MAML3: variants seen among roughly 807,000 people sequenced by gnomAD.
The protein encoded by MAML3 is mastermind like transcriptional coactivator 3.
Under a neutral mutation model 101.9 loss-of-function variants are expected in MAML3, and 27 were observed. That is an observed-to-expected ratio of 0.27 (90% CI 0.20 to 0.37). MAML3 has a LOEUF of 0.37. MAML3 is among the 10% of genes least tolerant of loss of function. MAML3 has a pLI of 1.00. For synonymous variants in MAML3, 501 were observed against 555.9 expected, an observed-to-expected ratio of 0.90 and a Z score of 1.39; for missense variants, 1,316 against 1,444.9, an observed-to-expected ratio of 0.91 and a Z score of 1.45.
At position 139,889,570 on chromosome 4, in the gene MAML3, G is replaced by A. The variant is rs1732420307; in HGVS notation, c.1866C>T (p.Asn622=). 1.2e-6 allele frequency: 2 copies of A among 1,613,582 alleles called. No individual in the cohort carries two copies. Among genetic ancestry groups the A allele is most frequent in the Admixed American group, 3.3e-5 (2 of 59,968 alleles). The change falls in exon 2 of 5, where the codon AAC becomes AAT. Residue 622 remains asparagine, a synonymous_variant. Transcript: ENST00000509479. The part of the protein sequence containing the change: ...LSQRMTPPVA[N]PNKNPLMPYI... The stretch of plus-strand genomic sequence containing the variant: ...ACGGCATCAAGGGGTTTTTGTTGGG[G>A]TTGGCCACTGGTGGTGTCATCCTCT...
chr4:140,069,056 C>A (rs940078178), intron 1 of MAML3, among the ~76,000 whole-genome samples: 1 of 152,156 alleles, frequency 6.6e-6, no homozygotes, highest in Non-Finnish European at 1.5e-5. Flanking sequence ...GGAAATACCA[C>A]AAGATGGGTA....
chr4:140,016,921 A>T (rs1243312663), intron 1 of MAML3, among the ~76,000 whole-genome samples: 1 of 152,218 alleles, frequency 6.6e-6, no homozygotes, highest in Admixed American at 6.5e-5. Flanking sequence ...CTTAAAGTCA[A>T]CACCAAAAGC....
At chr4:139,997,306 C>T (rs1398504424) in intron 1 of MAML3, among the ~76,000 whole-genome samples, 1 of 151,498 alleles carries the variant, frequency 6.6e-6, no homozygotes, top group Non-Finnish European at 1.5e-5. Flanking sequence ...TCCTTTAATT[C>T]CATTTTACTA....
At chr4:139,730,729 G>A in intron 2 of MAML3, 62 bp from the exon 3 acceptor site, 3 of 1,486,136 alleles carry the variant, frequency 2.0e-6, no homozygotes, top group South Asian at 1.2e-5. Flanking sequence ...GCTGTTTGAA[G>A]GGAAGCCCCT....
At chr4:139,832,093 C>CTTTTTTTTTTTTTT (rs1337533072) in intron 2 of MAML3, among the ~76,000 whole-genome samples, 2 of 98,446 alleles carry the variant, frequency 2.0e-5, no homozygotes, top group South Asian at 3.4e-4. Flanking sequence ...ATGCCCAGCC[C>CTTTTTTTTTTTTTT]CTTTTTTTTT....
At chr4:139,828,975 G>GAGGA (rs548032946) in intron 2 of MAML3, among the ~76,000 whole-genome samples, 5,188 of 134,974 alleles carry the variant, frequency 0.038, 150 homozygotes, top group African/African-American at 0.055. Flanking sequence ...CCTGTTGAAA[G>GAGGA]AGGAAGGAAG....
At chr4:140,025,254 G>A (rs1300180031) in intron 1 of MAML3, among the ~76,000 whole-genome samples, 1 of 152,124 alleles carries the variant, frequency 6.6e-6, no homozygotes, top group South Asian at 2.1e-4. Context: ...ATTGTTATAT[G>A]AGAACTCTCC....
intron 2 of MAML3, among the ~76,000 whole-genome samples, chr4:139,731,846 A>G (rs1728740123): frequency 6.6e-6 from 1 of 152,240 alleles, no homozygotes; most frequent in South Asian, 2.1e-4. Flanking sequence ...TGGACAGTGT[A>G]GACTATTAGG....
intron 1 of MAML3, among the ~76,000 whole-genome samples, chr4:140,092,936 T>C (rs952291803): frequency 6.6e-6 from 1 of 152,212 alleles, no homozygotes; most frequent in African/African-American, 2.4e-5. Flanking sequence ...ACAGAAACTT[T>C]AGCAGCTTAG....
chr4:139,805,440 A>AC (rs1248573012), intron 2 of MAML3, among the ~76,000 whole-genome samples: 3 of 152,170 alleles, frequency 2.0e-5, no homozygotes, highest in African/African-American at 7.2e-5. Flanking sequence ...TCATAGTCTA[A>AC]CCCCAATTTA....
At chr4:139,918,769 C>T (rs1733071889) in intron 1 of MAML3, among the ~76,000 whole-genome samples, 1 of 152,160 alleles carries the variant, frequency 6.6e-6, no homozygotes, top group African/African-American at 2.4e-5. Flanking sequence ...TAAGTGATTA[C>T]ATGAACATTT....
intron 1 of MAML3, among the ~76,000 whole-genome samples, chr4:139,898,035 T>A (rs865791171): frequency 6.6e-6 from 1 of 152,216 alleles, no homozygotes; most frequent in African/African-American, 2.4e-5. Flanking sequence ...GTTTAGACAT[T>A]ACCTACTCCA....
intron 2 of MAML3, among the ~76,000 whole-genome samples, chr4:139,852,210 C>T (rs1731565723): frequency 6.6e-6 from 1 of 152,100 alleles, no homozygotes; most frequent in South Asian, 2.1e-4. Context: ...TGGATGAAAA[C>T]TTTGCAGGGC....
chr4:140,076,042 G>A (rs900442202), intron 1 of MAML3, among the ~76,000 whole-genome samples: 6 of 151,224 alleles, frequency 4.0e-5, no homozygotes, highest in Non-Finnish European at 5.9e-5. Flanking sequence ...GATTACAGGC[G>A]TGAGCCACCA....
intron 1 of MAML3, among the ~76,000 whole-genome samples, chr4:139,948,998 T>C (rs1026929147): frequency 6.6e-5 from 10 of 152,004 alleles, no homozygotes; most frequent in Middle Eastern, 3.4e-3. Flanking sequence ...AATACAAAAG[T>C]GGTAGTAGAA....
intron 1 of MAML3, among the ~76,000 whole-genome samples, chr4:140,103,863 C>T (rs1008888412): frequency 1.3e-5 from 2 of 152,108 alleles, no homozygotes; most frequent in African/African-American, 2.4e-5. Flanking sequence ...TGCTGCATCA[C>T]CTTCAGTTGT....
intron 1 of MAML3, among the ~76,000 whole-genome samples, chr4:139,935,354 T>C (rs1733487826): frequency 6.6e-6 from 1 of 152,154 alleles, no homozygotes; most frequent in East Asian, 1.9e-4. Flanking sequence ...AGGTTTTATA[T>C]ATTGAATTAT....
At chr4:139,824,653 T>G (rs1207408554) in intron 2 of MAML3, among the ~76,000 whole-genome samples, 1 of 152,234 alleles carries the variant, frequency 6.6e-6, no homozygotes, top group Non-Finnish European at 1.5e-5. Flanking sequence ...CAATTTGCAC[T>G]AATTTCAGTA....
At chr4:139,865,541 G>A (rs1731882306) in intron 2 of MAML3, among the ~76,000 whole-genome samples, 2 of 142,716 alleles carry the variant, frequency 1.4e-5, no homozygotes, top group Admixed American at 1.4e-4. Context: ...TAATAAATTA[G>A]GAGTCCCTAT....
Sources: gnomAD v4.1 joint callset for allele counts (sites outside exome capture counted in the v4.1 genomes callset) on GRCh38, gnomAD v4.1.1 for gene constraint, MANE v1.5 for transcripts, NCBI Gene and HGNC (gene_info 2026-07-23, HGNC 2026-07-21) for gene names.